Variants in PTK2 observed in about 807,000 individuals in gnomAD.
The protein encoded by PTK2 is focal adhesion kinase 1.
In PTK2, 45 loss-of-function variants were observed where a neutral mutation model predicts 150.1. That is an observed-to-expected ratio of 0.30 (90% CI 0.24 to 0.38). PTK2 has a LOEUF of 0.38. Among genes scored for constraint, PTK2 ranks in the 10% least tolerant of loss-of-function variants. The probability of loss-of-function intolerance (pLI) is 1.00; values close to 1 mark genes in which losing one functional copy is unlikely to be tolerated. For missense variants in PTK2, 919 were observed against 1,307.3 expected, an observed-to-expected ratio of 0.70 and a Z score of 4.58; for synonymous variants, 432 against 449.2, an observed-to-expected ratio of 0.96 and a Z score of 0.48.
Position 140,805,570 on chromosome 8 carries a change from GA to G in PTK2, c.868-1921del, listed in dbSNP as rs202135461. Among the ~76,000 whole-genome samples, 765 of 145,940 alleles carry G rather than the reference GA, an allele frequency of 5.2e-3. 3 individuals are homozygous for G. The highest frequency in any genetic ancestry group is 9.4e-3 in the Non-Finnish European group (628 of 66,712). ...TGTCTCAAAAAAAAAAAAAAGAAGA[GA>G]AAAAAAAGATCATATTCAACAAGAT... On this transcript the variant is annotated intron_variant, in intron 10 of 31. Transcript: ENST00000522684.
At chr8:140,701,067 T>C (rs759378296) in intron 25 of PTK2, 45 bp from the exon 29 acceptor site, 2 of 1,583,774 alleles carry the variant, frequency 1.3e-6, no homozygotes, top group Non-Finnish European at 1.7e-6. Flanking sequence ...CATAAGTCTA[T>C]TCCTATGCTC....
At chr8:140,904,334 C>T (rs1310486133) in intron 2 of PTK2, among the ~76,000 whole-genome samples, 1 of 152,076 alleles carries the variant, frequency 6.6e-6, no homozygotes, top group Non-Finnish European at 1.5e-5. Flanking sequence ...GCCTTGCATC[C>T]GAGGGATGAA....
intron 8 of PTK2, chr8:140,821,781 A>T (rs922650498): frequency 2.0e-5 from 3 of 152,248 alleles, no homozygotes; most frequent in African/African-American, 7.2e-5. Context: ...GAGTGGAATA[A>T]GAGAATTATA....
At chr8:140,904,902 C>T (rs117998976) in intron 2 of PTK2, among the ~76,000 whole-genome samples, 6,318 of 151,654 alleles carry the variant, frequency 0.042, 196 homozygotes, top group Non-Finnish European at 0.057. Context: ...CTTCTTTATT[C>T]GTCTGGCTAG....
At chr8:140,839,613 G>A (rs1481442716) in intron 7 of PTK2, among the ~76,000 whole-genome samples, 1 of 152,010 alleles carries the variant, frequency 6.6e-6, no homozygotes, top group Non-Finnish European at 1.5e-5. Context: ...AATGAACAAC[G>A]TATGGCATAA....
At chr8:140,875,528 CAG>C (rs1194025584) in intron 4 of PTK2, among the ~76,000 whole-genome samples, 2 of 152,122 alleles carry the variant, frequency 1.3e-5, no homozygotes, top group African/African-American at 4.8e-5. Context: ...TCAGAAACTC[CAG>C]AGTTTGCTCT....
intron 1 of PTK2, among the ~76,000 whole-genome samples, chr8:140,939,598 A>G (rs1266991760): frequency 2.0e-5 from 3 of 152,234 alleles, no homozygotes; most frequent in African/African-American, 4.8e-5. Flanking sequence ...GTGGCCTAGA[A>G]GTCACATCTA....
chr8:140,857,070 AAAT>A (rs2100133113), intron 5 of PTK2, among the ~76,000 whole-genome samples: 1 of 152,218 alleles, frequency 6.6e-6, no homozygotes, highest in South Asian at 2.1e-4. Flanking sequence ...AGGCACAGAG[AAAT>A]AATTTCCCCA....
chr8:140,911,046 A>ATT (rs10706458), intron 2 of PTK2, among the ~76,000 whole-genome samples: 217 of 143,492 alleles, frequency 1.5e-3, no homozygotes, highest in Non-Finnish European at 2.2e-3. Context: ...GCCCAGCTAA[A>ATT]TTTTTTTTTT....
Position 140,743,784 on chromosome 8 carries a change from T to TC in PTK2, c.1635-455_1635-454insG, listed in dbSNP as rs545988208. On this transcript the variant is annotated intron_variant, in intron 19 of 31. Coordinates refer to ENST00000522684, the Ensembl canonical transcript of PTK2. ...TAGATGCTTAGTTTTTCTTTTCTTT[T>TC]TTTTTTTTTTTGAGACAGAGTCTCG... Among the ~76,000 whole-genome samples, 308 of 151,092 alleles carry TC rather than the reference T, an allele frequency of 2.0e-3. 4 individuals carry two copies. The highest frequency in any genetic ancestry group is 2.9e-3 in the Non-Finnish European group (196 of 67,690).
intron 30 of PTK2, 86 bp downstream of exon 34, chr8:140,668,183 G>A (rs112978533): frequency 4.0e-6 from 6 of 1,501,478 alleles, no homozygotes; most frequent in African/African-American, 1.4e-5. Context: ...GTGGGGCGGG[G>A]GGACCTAGAG....
intron 22 of PTK2, among the ~76,000 whole-genome samples, chr8:140,719,919 AAACAAC>A (rs1222878569): frequency 2.5e-4 from 38 of 149,684 alleles, no homozygotes; most frequent in East Asian, 9.8e-4. Flanking sequence ...AAAAAATCAA[AAACAAC>A]AACAACAACA....
chr8:140,933,313 A>G (rs1187720135), intron 1 of PTK2, among the ~76,000 whole-genome samples: 1 of 152,220 alleles, frequency 6.6e-6, no homozygotes, highest in Non-Finnish European at 1.5e-5. Flanking sequence ...ATCTGTTTGA[A>G]GACAGCAAGA....
chr8:140,730,009 T>TTATTTC (rs1565225113), intron 22 of PTK2, among the ~76,000 whole-genome samples: 6 of 152,236 alleles, frequency 3.9e-5, no homozygotes, highest in African/African-American at 1.4e-4. Context: ...CATTGCTCTA[T>TTATTTC]AACTACTAGT....
Position 140,672,399 on chromosome 8 carries a change from T to C in PTK2, c.2709+1899A>G, listed in dbSNP as rs192547770. On this transcript the variant is annotated intron_variant, in intron 29 of 31. Transcript: ENST00000522684. ...GGGTGTGTCCTTCCTCAATTTTCCT[T>C]GGAGAAGACTCAGTGTGTCTTTAAC... Among the ~76,000 whole-genome samples, 339 of 152,308 alleles carry C rather than the reference T, an allele frequency of 2.2e-3. 1 individual carries two copies. Among genetic ancestry groups the C allele is most frequent in the African/African-American group, 7.1e-3 (294 of 41,554 alleles).
intron 1 of PTK2, chr8:141,000,917 C>G (rs1267730621): frequency 1.3e-5 from 2 of 151,620 alleles, no homozygotes; most frequent in Non-Finnish European, 2.9e-5. Context: ...GGCCCCCAAC[C>G]TCCTCACGGC....
At chr8:140,899,698 TCAA>T (rs528526216) in intron 2 of PTK2, among the ~76,000 whole-genome samples, 117 of 152,132 alleles carry the variant, frequency 7.7e-4, no homozygotes, top group African/African-American at 2.6e-3. Flanking sequence ...ACAAATATCC[TCAA>T]CAAAATACTA....
At chr8:140,944,904 T>A (rs2100177151) in intron 1 of PTK2, among the ~76,000 whole-genome samples, 1 of 152,218 alleles carries the variant, frequency 6.6e-6, no homozygotes, top group Admixed American at 6.5e-5. Flanking sequence ...GGTACTCATC[T>A]CTTGGTTTTT....
intron 8 of PTK2, among the ~76,000 whole-genome samples, chr8:140,828,260 C>A (rs1203463250): frequency 6.6e-6 from 1 of 151,746 alleles, no homozygotes; most frequent in Non-Finnish European, 1.5e-5. Context: ...TTCCACTTTG[C>A]GTGGTGAGAA....
Sources: allele counts gnomAD v4.1 joint callset (sites outside exome capture counted in the v4.1 genomes callset), GRCh38; gene constraint gnomAD v4.1.1; transcripts MANE v1.5; gene names NCBI Gene and HGNC (gene_info 2026-07-23, HGNC 2026-07-21).